TRPM3: variants seen among roughly 807,000 people sequenced by gnomAD.
TRPM3 encodes the protein long transient receptor potential channel 3.
In TRPM3, 77 loss-of-function variants were observed where a neutral mutation model predicts 181.2. The observed-to-expected ratio is 0.42, with a 90% confidence interval of 0.35 to 0.51. The LOEUF is 0.51. Among genes scored for constraint, TRPM3 ranks in the 20% least tolerant of loss-of-function variants. The probability of loss-of-function intolerance (pLI) is 0.01; values close to 1 mark genes in which losing one functional copy is unlikely to be tolerated. For missense variants in TRPM3, 1,759 were observed against 2,196.7 expected (o/e 0.80, Z 3.98); for synonymous variants, 745 against 796.4 (o/e 0.94, Z 1.09).
chr9:71,431,304 C>T (rs1460936287), intron 1 of TRPM3, among the ~76,000 whole-genome samples: 1 of 152,114 alleles, frequency 6.6e-6, no homozygotes, highest in Non-Finnish European at 1.5e-5. Context: ...CAGGGCTTAT[C>T]TAAAACTTGA....
intron 1 of TRPM3, among the ~76,000 whole-genome samples, chr9:71,288,249 A>G (rs2085469104): frequency 6.6e-6 from 1 of 151,882 alleles, no homozygotes; most frequent in Admixed American, 6.6e-5. Context: ...TAGTGAATAG[A>G]AGGAGAAGGC....
At chr9:70,959,401 A>C (rs537116839) in intron 1 of TRPM3, among the ~76,000 whole-genome samples, 4 of 152,124 alleles carry the variant, frequency 2.6e-5, no homozygotes, top group Non-Finnish European at 5.9e-5. Flanking sequence ...GGATGATGGC[A>C]GAAGGGCAAG....
At position 70,601,381 on chromosome 9, in the gene TRPM3, C is replaced by T. The variant is rs371353322; in HGVS notation, c.2796+1961G>A. Among the ~76,000 whole-genome samples the T allele has an allele frequency of 1.8e-3, 279 of 152,254 alleles. 1 individual carries two copies. Among genetic ancestry groups the T allele is most frequent in the African/African-American group, 6.4e-3 (267 of 41,536 alleles). On this transcript the variant is annotated intron_variant, in intron 20 of 25. Transcript: ENST00000677713. ...ACCACAAAGCCTTCCTTTTGTGTAT[C>T]CCTGGGAAGGCACCAAAGCATGCAA...
At chr9:70,614,902 C>T (rs1011596696) in intron 18 of TRPM3, among the ~76,000 whole-genome samples, 3 of 152,170 alleles carry the variant, frequency 2.0e-5, no homozygotes, top group Non-Finnish European at 4.4e-5. Flanking sequence ...GGAAGACAGT[C>T]GTCTGTTACA....
intron 1 of TRPM3, among the ~76,000 whole-genome samples, chr9:71,134,015 GCGCGT>G (rs2074586837): frequency 1.6e-5 from 2 of 124,926 alleles, no homozygotes; most frequent in African/African-American, 6.2e-5. Context: ...GTGTGTGTGT[GCGCGT>G]GCGCGCGCGC....
intron 1 of TRPM3, among the ~76,000 whole-genome samples, chr9:71,394,297 CA>C (rs2093137701): frequency 6.6e-6 from 1 of 151,978 alleles, no homozygotes; most frequent in African/African-American, 2.4e-5. Flanking sequence ...ATTTAAAAAA[CA>C]GGAAACTAAA....
intron 1 of TRPM3, among the ~76,000 whole-genome samples, chr9:71,005,697 G>A (rs1353596472): frequency 6.6e-6 from 1 of 151,974 alleles, no homozygotes; most frequent in Non-Finnish European, 1.5e-5. Context: ...CAAACAAGGA[G>A]AAATAAAAAG....
intron 9 of TRPM3, among the ~76,000 whole-genome samples, chr9:70,662,343 T>C (rs2061250669): frequency 6.6e-6 from 1 of 152,092 alleles, no homozygotes; most frequent in Admixed American, 6.6e-5. Flanking sequence ...TCAAAAATAC[T>C]CTTCTGGACA....
At chr9:71,286,974 AATTAT>A (rs1051210596) in intron 1 of TRPM3, among the ~76,000 whole-genome samples, 14 of 99,436 alleles carry the variant, frequency 1.4e-4, no homozygotes, top group Middle Eastern at 4.0e-3. Context: ...TATATAATAT[AATTAT>A]ATTATATAAT....
intron 8 of TRPM3, among the ~76,000 whole-genome samples, chr9:70,687,634 A>C (rs1309783567): frequency 6.6e-6 from 1 of 152,196 alleles, no homozygotes; most frequent in Non-Finnish European, 1.5e-5. Context: ...GGCTAGATGG[A>C]ATTTTGATTC....
chr9:71,329,099 A>G (rs2089932255), intron 1 of TRPM3, among the ~76,000 whole-genome samples: 1 of 152,268 alleles, frequency 6.6e-6, no homozygotes, highest in Admixed American at 6.5e-5. Flanking sequence ...AGATAAGGTA[A>G]GAAAAATGTC....
intron 1 of TRPM3, among the ~76,000 whole-genome samples, chr9:71,273,955 T>C (rs564139995): frequency 2.6e-5 from 4 of 152,232 alleles, no homozygotes; most frequent in African/African-American, 7.2e-5. Context: ...TAATACAGGA[T>C]ATGCCACCTT....
At chr9:71,169,294 A>C (rs1218262104) in intron 1 of TRPM3, among the ~76,000 whole-genome samples, 2 of 152,234 alleles carry the variant, frequency 1.3e-5, no homozygotes, top group African/African-American at 2.4e-5. Context: ...TCAGGCCTCC[A>C]GTCTGCAATA....
intron 9 of TRPM3, among the ~76,000 whole-genome samples, chr9:70,661,724 G>A (rs2061164083): frequency 6.6e-6 from 1 of 151,956 alleles, no homozygotes; most frequent in South Asian, 2.1e-4. Context: ...CTAAGGAGGT[G>A]AAAGATCTCT....
chr9:70,797,028 G>T (rs2087258789), intron 6 of TRPM3, among the ~76,000 whole-genome samples: 1 of 152,196 alleles, frequency 6.6e-6, no homozygotes, highest in Non-Finnish European at 1.5e-5. Context: ...TACTTTGGAG[G>T]CTGAGGTGGG....
At chr9:71,123,465 G>A (rs567725588), upstream of TRPM3, among the ~76,000 whole-genome samples, 363 of 152,210 alleles carry the variant, frequency 2.4e-3, 1 homozygote, top group Non-Finnish European at 4.1e-3. Context: ...GACTAAATAA[G>A]CTAATATTGG....
chr9:70,956,918 G>T (rs2097079965), intron 1 of TRPM3, among the ~76,000 whole-genome samples: 1 of 148,876 alleles, frequency 6.7e-6, no homozygotes, highest in Admixed American at 6.7e-5. Flanking sequence ...TCTAAATTTT[G>T]ACATTTAAAA....
In TRPM3 at chr9:70,639,118, T is replaced by G; in HGVS notation, c.1523A>C (p.Asn508Thr). The change falls in exon 11 of 26, where the codon AAT (asparagine) becomes ACT (threonine). Residue 508 changes from asparagine to threonine, a missense_variant. Around this residue, in one of 8 missense-constraint regions of TRPM3, gnomAD observed 737 missense variants for 957.4 expected, o/e 0.77. Transcript: ENST00000677713. ...RVDFVKLLIE[N>T]GVSMHRFLTI... ...GAGAAAACGGTGCATGCTTACTCCA[T>G]TCTCTATGAGTAATTTCACAAAATC... is the stretch of plus-strand genomic sequence containing the variant. 1 of 1,614,014 alleles carries G rather than the reference T, an allele frequency of 6.2e-7. No homozygotes were observed. The highest frequency in any genetic ancestry group is 8.5e-7 in the Non-Finnish European group (1 of 1,179,916).
intron 22 of TRPM3, among the ~76,000 whole-genome samples, chr9:70,560,289 T>G (rs2048740759): frequency 6.6e-6 from 1 of 152,190 alleles, no homozygotes; most frequent in Admixed American, 6.5e-5. Flanking sequence ...TATGTGCCAG[T>G]GGCAACTGGC....
Sources: gnomAD v4.1 joint callset for allele counts (sites outside exome capture counted in the v4.1 genomes callset) on GRCh38, gnomAD v4.1.1 for gene constraint, gnomAD v4.1.1 regional missense constraint, MANE v1.5 for transcripts, NCBI Gene and HGNC (gene_info 2026-07-23, HGNC 2026-07-21) for gene names.